Variants in BMP7 observed in about 807,000 individuals in gnomAD.
BMP7 encodes osteogenic protein 1.
In BMP7, 12 loss-of-function variants were observed where a neutral mutation model predicts 41.2. The ratio of observed to expected loss-of-function variants is 0.29; its 90% CI spans 0.19 to 0.47. BMP7 has a LOEUF of 0.47. BMP7 is among the 20% of genes least tolerant of loss of function. BMP7 has a pLI of 0.99. For missense variants in BMP7, 467 were observed against 606.0 expected (o/e 0.77, Z 2.41); for synonymous variants, 248 against 250.0 (o/e 0.99, Z 0.07).
chr20:57,253,410 A>G (rs2066121944), intron 1 of BMP7, among the ~76,000 whole-genome samples: 1 of 152,138 alleles, frequency 6.6e-6, no homozygotes, highest in Non-Finnish European at 1.5e-5. Flanking sequence ...ATCTCCTCCC[A>G]CCCTACCCCC....
intron 2 of BMP7, among the ~76,000 whole-genome samples, chr20:57,221,075 C>T (rs1221701468): frequency 2.0e-5 from 3 of 152,136 alleles, no homozygotes; most frequent in Non-Finnish European, 2.9e-5. Context: ...CTACTATGTG[C>T]CAGGCTCTAG....
chr20:57,250,460 G>C (rs909822963), intron 1 of BMP7, among the ~76,000 whole-genome samples: 4 of 149,526 alleles, frequency 2.7e-5, no homozygotes, highest in African/African-American at 4.9e-5. Flanking sequence ...GAGCCCAGGT[G>C]GTAGAGGCTG....
intron 1 of BMP7, among the ~76,000 whole-genome samples, chr20:57,254,017 CTTTTT>C (rs35180643): frequency 5.6e-5 from 4 of 71,534 alleles, no homozygotes; most frequent in Admixed American, 4.4e-4. Context: ...GGTTTCTTTC[CTTTTT>C]TTTTTTTTTT....
intron 1 of BMP7, among the ~76,000 whole-genome samples, chr20:57,240,529 C>T (rs1436562440): frequency 6.6e-6 from 1 of 152,206 alleles, no homozygotes; most frequent in Non-Finnish European, 1.5e-5. Flanking sequence ...GTCACTTCCA[C>T]ATTTTTGGGT....
At chr20:57,245,858 T>G (rs894574489) in intron 1 of BMP7, among the ~76,000 whole-genome samples, 3 of 151,428 alleles carry the variant, frequency 2.0e-5, no homozygotes, top group African/African-American at 7.3e-5. Context: ...CAGGATGGTC[T>G]CGATCTCCTG....
chr20:57,202,653 C>T (rs534952030), intron 2 of BMP7, 30 bp from the exon 3 acceptor site: 26 of 1,477,454 alleles, frequency 1.8e-5, no homozygotes, highest in South Asian at 2.2e-5. Flanking sequence ...ACACGGGCTT[C>T]GCGTTAGCCA....
chr20:57,175,006 C>T lies in BMP7; in HGVS notation c.960G>A (p.Glu320=). Residue 320 remains glutamate, a splice_region_variant and synonymous_variant, in exon 5 of 7, where the codon GAG becomes GAA. Coordinates refer to ENST00000395863, the MANE Select transcript of BMP7 (RefSeq NM_001719.3). ...QEALRMANVA[E]NSSSDQRQAC... is the part of the protein sequence containing the mutation. ...CCTGCCTCTGGTCGCTGCTGCTGTT[C>T]TCTGCATTGACAAGGAAGTGAAGAA... 1.2e-6 allele frequency: 2 copies of T among 1,610,624 alleles called. No individual in the cohort carries two copies. Among genetic ancestry groups the T allele is most frequent in the South Asian group, 2.2e-5 (2 of 90,816 alleles).
chr20:57,192,182 A>G (rs1422588619), intron 3 of BMP7, among the ~76,000 whole-genome samples: 1 of 127,302 alleles, frequency 7.9e-6, no homozygotes, highest in Non-Finnish European at 1.6e-5. Flanking sequence ...TATATACTAT[A>G]TATTATATAT....
intron 1 of BMP7, among the ~76,000 whole-genome samples, chr20:57,252,793 G>A (rs2066119130): frequency 6.6e-6 from 1 of 152,104 alleles, no homozygotes; most frequent in Non-Finnish European, 1.5e-5. Context: ...TGAGGCTAAG[G>A]CTCCCAGATG....
intron 3 of BMP7, among the ~76,000 whole-genome samples, chr20:57,188,546 TA>T (rs577598390): frequency 0.037 from 4,306 of 117,446 alleles, 154 homozygotes; most frequent in African/African-American, 0.1. Flanking sequence ...GAGAATATAC[TA>T]AAAAAAAAAA....
At position 57,199,834 on chromosome 20, in the gene BMP7, G is replaced by A. The variant is rs142203146; in HGVS notation, c.760+2641C>T. ...CACACAAAACTCACTGCCTGGGCGC[G>A]CACAGCACCTGGACAAGCCAAGTCA... On this transcript the variant is annotated intron_variant, in intron 3 of 6. Coordinates refer to ENST00000395863, the MANE Select transcript of BMP7 (RefSeq NM_001719.3). Among the ~76,000 whole-genome samples, 23 of 152,300 alleles carry A rather than the reference G, an allele frequency of 1.5e-4. No individual in the cohort carries two copies. The East Asian group carries it at 2.3e-3, about 15-fold the overall frequency.
At chr20:57,205,476 T>A (rs1164577702) in intron 2 of BMP7, among the ~76,000 whole-genome samples, 1 of 152,206 alleles carries the variant, frequency 6.6e-6, no homozygotes, top group Non-Finnish European at 1.5e-5. Flanking sequence ...AGGTTGTCAA[T>A]GAACCATTAG....
chr20:57,192,507 G>C (rs1027167362), intron 3 of BMP7, among the ~76,000 whole-genome samples: 1 of 151,272 alleles, frequency 6.6e-6, no homozygotes, highest in African/African-American at 2.4e-5. Flanking sequence ...GTCAGTGCGC[G>C]TAACTATTTA....
intron 3 of BMP7, among the ~76,000 whole-genome samples, chr20:57,190,968 T>C (rs560719244): frequency 5.9e-5 from 9 of 152,134 alleles, no homozygotes; most frequent in Non-Finnish European, 1.2e-4. Context: ...CTAATGCCAG[T>C]AGCACCTCTC....
At chr20:57,260,654 T>C (rs1156326629) in intron 1 of BMP7, among the ~76,000 whole-genome samples, 12 of 152,252 alleles carry the variant, frequency 7.9e-5, no homozygotes, top group Non-Finnish European at 1.8e-4. Flanking sequence ...GACTTAAATC[T>C]TTTATAATAA....
At position 57,266,162 on chromosome 20, in the gene BMP7, G is replaced by GCTCCGGT. The variant is rs1048712767; in HGVS notation, c.-41_-40insACCGGAG. The GCTCCGGT allele has an allele frequency of 3.1e-5, 46 of 1,470,632 alleles. No individual in the cohort carries two copies. The highest frequency in any genetic ancestry group is 3.9e-5 in the Non-Finnish European group (44 of 1,118,592). The allele number at this position is 1,470,632 out of a possible 1,614,324, so 91.1% of individuals were successfully genotyped here. On this transcript the variant is annotated 5_prime_UTR_variant, in exon 1 of 7. Coordinates refer to ENST00000395863, the MANE Select transcript of BMP7 (RefSeq NM_001719.3). Reference sequence around the variant, plus strand: ...GCGCTACCCGGGCTCCGGGCTCCGGGCCCGCACCGCCCCAGGTGGCAGAGG... The same window carrying GCTCCGGT: ...GCGCTACCCGGGCTCCGGGCTCCGGGCTCCGGTCCCGCACCGCCCCAGGTGGCAGAGG...
At chr20:57,255,508 G>A (rs1443735447) in intron 1 of BMP7, among the ~76,000 whole-genome samples, 1 of 152,106 alleles carries the variant, frequency 6.6e-6, no homozygotes, top group African/African-American at 2.4e-5. Context: ...ACTAAGAAAT[G>A]TCTCTAAGGG....
intron 4 of BMP7, among the ~76,000 whole-genome samples, chr20:57,180,720 C>G (rs1393520214): frequency 6.6e-6 from 1 of 152,058 alleles, no homozygotes; most frequent in Non-Finnish European, 1.5e-5. Flanking sequence ...TTTGAGAAAC[C>G]TGGAAAAATG....
chr20:57,228,296 G>A lies in BMP7; in HGVS notation c.544C>T (p.Arg182Trp), dbSNP rs764633584. The change falls in exon 2 of 7, where the codon CGG (arginine) becomes TGG (tryptophan). Residue 182 changes from arginine (R) to tryptophan (W), a missense_variant. By Grantham distance (101) the Arg-to-Trp change is moderately radical. Around this residue, in one of 2 missense-constraint regions of BMP7, gnomAD observed 407 missense variants for 485.9 expected, o/e 0.84. Transcript: ENST00000395863. The surrounding 1 kb of genome is among the most constrained non-coding windows in gnomAD (Gnocchi z 4.5). ...AEFRIYKDYIRERFDNETFRI... is the reference protein window; with the variant it reads ...AEFRIYKDYIWERFDNETFRI... Reference sequence around the variant, plus strand: ...AACGTCTCATTGTCGAAGCGTTCCCGGATGTAGTCCTTGTAGATCCGGAAT... The same window carrying A: ...AACGTCTCATTGTCGAAGCGTTCCCAGATGTAGTCCTTGTAGATCCGGAAT... 70 of 1,613,988 alleles carry A rather than the reference G, an allele frequency of 4.3e-5. No individual in the cohort carries two copies. The Middle Eastern group carries it at 8.2e-4, about 19-fold the overall frequency.
Sources: gnomAD v4.1 joint callset for allele counts (sites outside exome capture counted in the v4.1 genomes callset) on GRCh38, gnomAD v4.1.1 for gene constraint, gnomAD v4.1.1 regional missense constraint, Gnocchi (gnomAD v3.1) non-coding constraint, MANE v1.5 for transcripts, NCBI Gene and HGNC (gene_info 2026-07-23, HGNC 2026-07-21) for gene names.